The following TSHZ3 variants were observed in gnomAD, a reference collection of about 807,000 sequenced individuals.
TSHZ3 encodes the protein teashirt zinc finger homeobox 3.
Under a neutral mutation model 64.5 loss-of-function variants are expected in TSHZ3, and 10 were observed. The ratio of observed to expected loss-of-function variants is 0.16; its 90% CI spans 0.10 to 0.26. TSHZ3 has a LOEUF of 0.26. TSHZ3 is among the 10% of genes least tolerant of loss of function. The pLI, the probability that TSHZ3 is intolerant of heterozygous loss-of-function variation, is 1.00. For synonymous variants in TSHZ3, 608 were observed against 593.1 expected, an observed-to-expected ratio of 1.03 and a Z score of -0.36; for missense variants, 1,242 against 1,421.7, an observed-to-expected ratio of 0.87 and a Z score of 2.03.
chr19:31,149,953 T>G (rs1239841916), downstream of TSHZ3, among the ~76,000 whole-genome samples: 1 of 152,128 alleles, frequency 6.6e-6, no homozygotes, highest in Non-Finnish European at 1.5e-5. Context: ...CGGGAAATGA[T>G]TTCTGTCAAA....
chr19:31,167,755 A>T (rs375722019), intron 5 of TSHZ3: 1 of 152,134 alleles, frequency 6.6e-6, no homozygotes, highest in Non-Finnish European at 1.5e-5. Context: ...GGAAATTTGG[A>T]CCCTTTTACT....
At chr19:31,160,689 C>G (rs1292628354) in intron 5 of TSHZ3, among the ~76,000 whole-genome samples, 4 of 151,944 alleles carry the variant, frequency 2.6e-5, no homozygotes, top group Admixed American at 2.0e-4. Flanking sequence ...CACAGACACA[C>G]ATGCATACAC....
intron 5 of TSHZ3, among the ~76,000 whole-genome samples, chr19:31,171,238 A>T (rs749083692): frequency 9.2e-5 from 14 of 152,070 alleles, no homozygotes; most frequent in Non-Finnish European, 1.9e-4. Flanking sequence ...CTACAGCTTG[A>T]AGGCGGTGTT....
intron 5 of TSHZ3, among the ~76,000 whole-genome samples, chr19:31,163,476 A>G (rs1974397363): frequency 6.6e-6 from 1 of 152,168 alleles, no homozygotes; most frequent in Non-Finnish European, 1.5e-5. Flanking sequence ...TCAGGCCTGT[A>G]ATCCCAGCAC....
intron 5 of TSHZ3, among the ~76,000 whole-genome samples, chr19:31,202,181 G>C (rs911190151): frequency 6.6e-6 from 1 of 151,694 alleles, no homozygotes; most frequent in Non-Finnish European, 1.5e-5. Flanking sequence ...AAAAAAAAAA[G>C]TCATGATCTT....
chr19:31,213,048 C>A (rs1456869642), intron 4 of TSHZ3, among the ~76,000 whole-genome samples: 1 of 151,934 alleles, frequency 6.6e-6, no homozygotes, highest in Non-Finnish European at 1.5e-5. Flanking sequence ...CTGGAAAAGG[C>A]AAACTATGGA....
intron 5 of TSHZ3, among the ~76,000 whole-genome samples, chr19:31,189,695 T>A (rs1226589943): frequency 1.1e-4 from 17 of 152,068 alleles, no homozygotes; most frequent in Admixed American, 8.5e-4. Context: ...CTAAAAAAAA[T>A]GTGTATTATA....
chr19:31,308,886 G>A (rs1308837517), intron 1 of TSHZ3, among the ~76,000 whole-genome samples: 10 of 152,224 alleles, frequency 6.6e-5, no homozygotes, highest in Non-Finnish European at 1.0e-4. Context: ...GAGGCACCAC[G>A]AGGCGTTCAT....
chr19:31,340,619 GATGT>G (rs1917404708), intron 1 of TSHZ3, among the ~76,000 whole-genome samples: 1 of 152,156 alleles, frequency 6.6e-6, no homozygotes, highest in Non-Finnish European at 1.5e-5. Context: ...ACTTGAGAAG[GATGT>G]CAGTGCGGGC....
intron 6 of TSHZ3, among the ~76,000 whole-genome samples, chr19:31,154,859 T>G (rs1974284954): frequency 6.6e-6 from 1 of 152,180 alleles, no homozygotes; most frequent in Admixed American, 6.5e-5. Flanking sequence ...GGGGGGACAC[T>G]TGCTGCCTCC....
intron 5 of TSHZ3, among the ~76,000 whole-genome samples, chr19:31,187,176 C>A (rs935257209): frequency 5.9e-5 from 9 of 152,056 alleles, no homozygotes; most frequent in Non-Finnish European, 1.2e-4. Flanking sequence ...CCACCCATAA[C>A]CCCTGGGAAC....
chr19:31,203,878 A>G (rs962766337), intron 5 of TSHZ3, among the ~76,000 whole-genome samples: 1 of 150,068 alleles, frequency 6.7e-6, no homozygotes, highest in Non-Finnish European at 1.5e-5. Flanking sequence ...CTGTTTTCAC[A>G]CTGCTACAAA....
chr19:31,294,943 A>G (rs560912093), intron 1 of TSHZ3, among the ~76,000 whole-genome samples: 1 of 152,312 alleles, frequency 6.6e-6, no homozygotes, highest in East Asian at 1.9e-4. Context: ...TTTGTAGTAT[A>G]TATCAAAATT....
At chr19:31,274,239 G>A (rs142837913), downstream of TSHZ3, among the ~76,000 whole-genome samples, 2 of 152,198 alleles carry the variant, frequency 1.3e-5, no homozygotes, top group African/African-American at 4.8e-5. Context: ...AACTGCAAGA[G>A]TAGTTTGAAT....
intron 1 of TSHZ3, among the ~76,000 whole-genome samples, chr19:31,307,496 G>A (rs574890422): frequency 2.6e-5 from 4 of 151,842 alleles, no homozygotes; most frequent in Non-Finnish European, 5.9e-5. Flanking sequence ...TGAGCAGCAC[G>A]CGGCACGGGG....
intron 1 of TSHZ3, among the ~76,000 whole-genome samples, chr19:31,243,546 G>A (rs924561154): frequency 3.7e-4 from 56 of 152,216 alleles, no homozygotes; most frequent in Middle Eastern, 3.4e-3. Context: ...AGGTGAGCCC[G>A]GCAGGCTGGT....
chr19:31,250,915 C>T (rs924231218), intron 1 of TSHZ3, among the ~76,000 whole-genome samples: 1 of 152,122 alleles, frequency 6.6e-6, no homozygotes, highest in African/African-American at 2.4e-5. Flanking sequence ...GGAGTGCTCA[C>T]CACCTAGATG....
At chr19:31,296,956 C>T (rs896778704) in intron 1 of TSHZ3, among the ~76,000 whole-genome samples, 1 of 152,206 alleles carries the variant, frequency 6.6e-6, no homozygotes, top group African/African-American at 2.4e-5. Context: ...ACAGTGACAA[C>T]AAACTATGGG....
At chr19:31,303,123 C>T (rs988213872) in intron 1 of TSHZ3, among the ~76,000 whole-genome samples, 9 of 152,158 alleles carry the variant, frequency 5.9e-5, no homozygotes, top group Non-Finnish European at 8.8e-5. Context: ...AACAAAGCTA[C>T]ACCAAATGAA....
Sources: allele counts gnomAD v4.1 joint callset (sites outside exome capture counted in the v4.1 genomes callset), GRCh38; gene constraint gnomAD v4.1.1; transcripts MANE v1.5; gene names NCBI Gene and HGNC (gene_info 2026-07-23, HGNC 2026-07-21).